GFOD1: variants seen among roughly 807,000 people sequenced by gnomAD.
GFOD1 encodes the protein Gfo/Idh/MocA-like oxidoreductase domain containing 1.
Under a neutral mutation model 25.4 loss-of-function variants are expected in GFOD1, and 9 were observed. That is an observed-to-expected ratio of 0.35 (90% CI 0.21 to 0.62). The LOEUF (loss-of-function observed/expected upper bound fraction) is 0.62. GFOD1 is among the 20% of genes least tolerant of loss of function. The pLI, the probability that GFOD1 is intolerant of heterozygous loss-of-function variation, is 0.72. For missense variants in GFOD1, 403 were observed against 556.9 expected (o/e 0.72, Z 2.78); for synonymous variants, 253 against 245.6 (o/e 1.03, Z -0.28).
chr6:13,366,494 C>T (rs1785050419), intron 1 of GFOD1, among the ~76,000 whole-genome samples: 5 of 152,284 alleles, frequency 3.3e-5, no homozygotes, highest in Admixed American at 3.3e-4. Flanking sequence ...CGCCACCATG[C>T]CCAGCTAATT....
chr6:13,479,817 ATAGACC>A (rs1010598381), intron 1 of GFOD1, among the ~76,000 whole-genome samples: 6 of 152,230 alleles, frequency 3.9e-5, no homozygotes, highest in Admixed American at 1.3e-4. Context: ...CGACAAATTG[ATAGACC>A]AAAAATCATT....
intron 1 of GFOD1, among the ~76,000 whole-genome samples, chr6:13,397,948 C>T (rs994235712): frequency 6.6e-6 from 1 of 152,358 alleles, no homozygotes; most frequent in Middle Eastern, 3.4e-3. Context: ...GATACTCCCT[C>T]TATCTTCCAA....
At chr6:13,420,988 G>C (rs1399801925) in intron 1 of GFOD1, among the ~76,000 whole-genome samples, 1 of 152,142 alleles carries the variant, frequency 6.6e-6, no homozygotes, top group Non-Finnish European at 1.5e-5. Context: ...GGGGAGCCAC[G>C]AACCACCTAA....
chr6:13,408,598 G>A (rs1339821408), intron 1 of GFOD1, among the ~76,000 whole-genome samples: 1 of 152,106 alleles, frequency 6.6e-6, no homozygotes, highest in African/African-American at 2.4e-5. Flanking sequence ...AAACAGAAGA[G>A]TTAATGAACA....
At chr6:13,381,562 A>G (rs1785362519) in intron 1 of GFOD1, among the ~76,000 whole-genome samples, 2 of 152,228 alleles carry the variant, frequency 1.3e-5, no homozygotes, top group Admixed American at 6.5e-5. Context: ...TTCTGCATGG[A>G]CACAGTGCTG....
chr6:13,373,802 A>C (rs1424828344), intron 1 of GFOD1, among the ~76,000 whole-genome samples: 1 of 147,324 alleles, frequency 6.8e-6, no homozygotes, highest in Non-Finnish European at 1.5e-5. Flanking sequence ...TTGAAGTTAG[A>C]AACTGCAAAA....
chr6:13,482,834 T>C (rs766160123), intron 1 of GFOD1, among the ~76,000 whole-genome samples: 59 of 152,084 alleles, frequency 3.9e-4, no homozygotes, highest in Non-Finnish European at 7.4e-4. Flanking sequence ...TATATTATTT[T>C]TAATACTTTC....
At chr6:13,417,682 A>G (rs1263717003) in intron 1 of GFOD1, among the ~76,000 whole-genome samples, 1 of 152,242 alleles carries the variant, frequency 6.6e-6, no homozygotes, top group Non-Finnish European at 1.5e-5. Context: ...GCAGAACAAC[A>G]TCAGGCTCAA....
At chr6:13,419,269 A>G (rs1481869885) in intron 1 of GFOD1, among the ~76,000 whole-genome samples, 1 of 152,212 alleles carries the variant, frequency 6.6e-6, no homozygotes, top group Non-Finnish European at 1.5e-5. Context: ...GATTCCAAAG[A>G]GGGAACAGAC....
At chr6:13,442,768 C>T (rs1757937010) in intron 1 of GFOD1, among the ~76,000 whole-genome samples, 1 of 152,200 alleles carries the variant, frequency 6.6e-6, no homozygotes, top group Admixed American at 6.5e-5. Context: ...AAAACGATTC[C>T]TCTCGAACCA....
At position 13,433,467 on chromosome 6, in the gene GFOD1, G is replaced by C. The variant is rs76262040; in HGVS notation, c.253+53171C>G. 3.6e-3 allele frequency among the ~76,000 whole-genome samples: 547 copies of C among 152,244 alleles called. 2 individuals are homozygous for C. Among genetic ancestry groups the C allele is most frequent in the Non-Finnish European group, 6.2e-3 (422 of 68,004 alleles). ...GAGCTGACTGTCCTGTGCATCATAG[G>C]ATATTTAGCAGCATTCCTGGCCTCT... On this transcript the variant is annotated intron_variant, in intron 1 of 1. Transcript: ENST00000379287.
At chr6:13,450,203 G>A (rs1758070705) in intron 1 of GFOD1, among the ~76,000 whole-genome samples, 1 of 152,200 alleles carries the variant, frequency 6.6e-6, no homozygotes, top group African/African-American at 2.4e-5. Flanking sequence ...TGGATTCTAG[G>A]TGGGGCTGAG....
intron 1 of GFOD1, among the ~76,000 whole-genome samples, chr6:13,472,888 G>A (rs1391065388): frequency 6.6e-6 from 1 of 152,190 alleles, no homozygotes; most frequent in Admixed American, 6.5e-5. Flanking sequence ...TGGATCCCAA[G>A]TCAAGAGTTA....
chr6:13,470,509 A>G, intron 1 of GFOD1: 1 of 1,549,936 alleles, frequency 6.5e-7, no homozygotes, highest in Non-Finnish European at 8.7e-7. Flanking sequence ...CGTGGGGGGT[A>G]AACAAATGTC....
chr6:13,381,915 G>A (rs2942228), intron 1 of GFOD1, among the ~76,000 whole-genome samples: 57 of 140,116 alleles, frequency 4.1e-4, no homozygotes, highest in African/African-American at 9.8e-4. Flanking sequence ...ACGCGCGCGC[G>A]CACACACACA....
At chr6:13,407,063 C>T (rs892160859) in intron 1 of GFOD1, among the ~76,000 whole-genome samples, 4 of 152,042 alleles carry the variant, frequency 2.6e-5, no homozygotes, top group African/African-American at 9.7e-5. Flanking sequence ...CATGGTGCAC[C>T]CTCCATTTCC....
intron 1 of GFOD1, chr6:13,485,931 C>T: frequency 1.4e-6 from 1 of 691,116 alleles, no homozygotes; most frequent in South Asian, 6.4e-5. Flanking sequence ...TTTACCAAAT[C>T]AGTCTTTACT....
rs70989853 is a variant in GFOD1 at position 13,393,368 on chromosome 6, C to CAAA, written c.254-27709_254-27707dup. Among the ~76,000 whole-genome samples the CAAA allele has an allele frequency of 6.2e-4, 45 of 72,478 alleles. 1 individual carries two copies. The highest frequency in any genetic ancestry group is 0.011 in the Middle Eastern group (1 of 94). 47.5% of individuals were successfully genotyped at this position (72,478 alleles called of 152,430 possible). A position where few individuals can be genotyped will look rare whatever the true frequency, so the allele number is the denominator to read the frequency against. ...GAGACCCCATCTCAAAAACAACCAC[C>CAAA]AAAAAAAAAAAAAAAAAAAAAAAAG... is the stretch of plus-strand genomic sequence containing the variant. On this transcript the variant is annotated intron_variant, in intron 1 of 1. Transcript: ENST00000379287.
At chr6:13,425,642 A>G (rs1786338582) in intron 1 of GFOD1, among the ~76,000 whole-genome samples, 1 of 152,204 alleles carries the variant, frequency 6.6e-6, no homozygotes, top group Non-Finnish European at 1.5e-5. Flanking sequence ...CTTCCTCACC[A>G]GTATACACAT....
Sources: gnomAD v4.1 joint callset for allele counts (sites outside exome capture counted in the v4.1 genomes callset) on GRCh38, gnomAD v4.1.1 for gene constraint, MANE v1.5 for transcripts, NCBI Gene and HGNC (gene_info 2026-07-23, HGNC 2026-07-21) for gene names.